Variants in SFMBT1 observed in about 807,000 individuals in gnomAD.
The protein encoded by SFMBT1 is Scm like with four mbt domains 1.
SFMBT1 carries 32 observed loss-of-function variants against 108.7 expected under a neutral mutation model. The observed-to-expected ratio is 0.29, with a 90% CI of 0.22 to 0.40. SFMBT1 has a LOEUF of 0.40. SFMBT1 is among the 10% of genes least tolerant of loss of function. The pLI is 1.00. For missense variants in SFMBT1, 816 were observed against 1,059.6 expected, an observed-to-expected ratio of 0.77 and a Z score of 3.19; for synonymous variants, 348 against 369.5, an observed-to-expected ratio of 0.94 and a Z score of 0.67.
chr3:52,981,766 C>A (rs190562842), intron 1 of SFMBT1, among the ~76,000 whole-genome samples: 13 of 151,998 alleles, frequency 8.6e-5, no homozygotes, highest in Non-Finnish European at 1.6e-4. Context: ...GAAGAAAGTA[C>A]CCGGATTTAA....
chr3:52,961,428 T>C (rs2710326), intron 2 of SFMBT1, among the ~76,000 whole-genome samples: 90,819 of 151,848 alleles, frequency 0.6, 27,625 homozygotes, highest in Middle Eastern at 0.68. Flanking sequence ...TAAAACGGCC[T>C]GTAATCCCAG....
intron 18 of SFMBT1, 63 bp from the exon 19 acceptor site, chr3:52,907,377 TA>T (rs530514080): frequency 2.4e-4 from 373 of 1,523,646 alleles, no homozygotes; most frequent in East Asian, 2.1e-3. Flanking sequence ...TTCATATGAT[TA>T]AAAAAAAATA....
chr3:53,003,103 C>CA (rs1474746852), intron 1 of SFMBT1, among the ~76,000 whole-genome samples: 1 of 102,774 alleles, frequency 9.7e-6, no homozygotes, highest in Non-Finnish European at 1.8e-5. Flanking sequence ...GCCTGGGTGA[C>CA]AGAGTGGGAC....
rs76760818 is a variant in SFMBT1, at chr3:52,997,838, T to C, written c.-130-28580A>G. Among the ~76,000 whole-genome samples, 371 of 150,568 alleles carry C rather than the reference T, an allele frequency of 2.5e-3. 7 individuals carry two copies. The highest frequency in any genetic ancestry group is 8.2e-3 in the African/African-American group (338 of 41,406). ...AACTCTATACAATTACTAAAATTCA[T>C]CAAGTAGGTCACTTACAATATAAAA... On this transcript the variant is annotated intron_variant, in intron 1 of 20. Coordinates refer to ENST00000394752, the MANE Select transcript of SFMBT1 (RefSeq NM_016329.4).
At chr3:52,983,880 A>G (rs1276772117) in intron 1 of SFMBT1, among the ~76,000 whole-genome samples, 1 of 152,224 alleles carries the variant, frequency 6.6e-6, no homozygotes, top group Non-Finnish European at 1.5e-5. Flanking sequence ...GATTCTGAGC[A>G]GAGGAGGAAC....
chr3:52,921,079 G>A (rs972346785), intron 11 of SFMBT1, among the ~76,000 whole-genome samples: 1 of 152,192 alleles, frequency 6.6e-6, no homozygotes, highest in African/African-American at 2.4e-5. Flanking sequence ...ATCAGGAAGT[G>A]ATTTGGCAAG....
At chr3:53,015,253 C>A (rs140979940) in intron 1 of SFMBT1, among the ~76,000 whole-genome samples, 485 of 149,404 alleles carry the variant, frequency 3.2e-3, no homozygotes, top group African/African-American at 0.011. Flanking sequence ...ATTGGCAATA[C>A]CCCAATTAAA....
intron 1 of SFMBT1, among the ~76,000 whole-genome samples, chr3:53,042,623 G>A (rs764424041): frequency 2.2e-4 from 33 of 152,286 alleles, no homozygotes; most frequent in South Asian, 4.1e-4. Flanking sequence ...GATTATAGGC[G>A]TGAGCCACTG....
chr3:52,963,644 G>A (rs868310510), intron 2 of SFMBT1, among the ~76,000 whole-genome samples: 15 of 151,748 alleles, frequency 9.9e-5, no homozygotes, highest in Admixed American at 2.0e-4. Context: ...GTAGAGACAG[G>A]GTCTCCCTAT....
chr3:52,928,670 A>AGTTTGTTTGTTTTTTTT (rs1702762783), intron 8 of SFMBT1, among the ~76,000 whole-genome samples: 3 of 140,434 alleles, frequency 2.1e-5, no homozygotes, highest in African/African-American at 2.5e-5. Flanking sequence ...ATATACATAT[A>AGTTTGTTTGTTTTTTTT]TACACACACA....
rs377014284 is a variant in SFMBT1, at chr3:52,936,356, C to T, written c.365-1455G>A. Among the ~76,000 whole-genome samples, 8 of 152,168 alleles carry T rather than the reference C, an allele frequency of 5.3e-5. No homozygotes were observed. The South Asian group carries it at 1.7e-3, about 32-fold the overall frequency. On this transcript the variant is annotated intron_variant, in intron 4 of 20. Coordinates refer to ENST00000394752, the MANE Select transcript of SFMBT1 (RefSeq NM_016329.4). The stretch of plus-strand genomic sequence containing the variant: ...GTCTTTACTCTTTCTCTATATTTAC[C>T]ACCCTTTAAAATAAACAGTTGATTG...
At chr3:52,958,165 C>T (rs923642919) in intron 2 of SFMBT1, among the ~76,000 whole-genome samples, 9 of 152,132 alleles carry the variant, frequency 5.9e-5, no homozygotes, top group African/African-American at 2.2e-4. Flanking sequence ...TGAACAGACA[C>T]CTTACAAAAG....
At chr3:52,969,343 G>A in intron 1 of SFMBT1, 85 bp from the exon 2 acceptor site, 1 of 1,335,596 alleles carries the variant, frequency 7.5e-7, no homozygotes. Context: ...GACTGGTTGA[G>A]AGATGACATA....
chr3:52,962,705 G>A (rs939320213), intron 2 of SFMBT1, among the ~76,000 whole-genome samples: 1 of 150,506 alleles, frequency 6.6e-6, no homozygotes, highest in Non-Finnish European at 1.5e-5. Flanking sequence ...CTACTCAGGA[G>A]GCTAAGGCAT....
chr3:52,980,430 G>A (rs974071345), intron 1 of SFMBT1, among the ~76,000 whole-genome samples: 2 of 152,012 alleles, frequency 1.3e-5, no homozygotes, highest in Non-Finnish European at 2.9e-5. Flanking sequence ...ATCTCCCATG[G>A]TTCTTACACA....
intron 1 of SFMBT1, among the ~76,000 whole-genome samples, chr3:53,005,477 T>C (rs1401263733): frequency 6.6e-6 from 1 of 152,214 alleles, no homozygotes; most frequent in African/African-American, 2.4e-5. Flanking sequence ...CACATCCTGC[T>C]AATTGTTATT....
intron 8 of SFMBT1, among the ~76,000 whole-genome samples, chr3:52,928,671 T>TATATATATATAC (rs1553635201): frequency 2.9e-5 from 4 of 138,374 alleles, no homozygotes; most frequent in African/African-American, 1.0e-4. Context: ...TATACATATA[T>TATATATATATAC]ACACACACAC....
At chr3:52,984,726 CTGTGTGTG>C (rs57308874) in intron 1 of SFMBT1, among the ~76,000 whole-genome samples, 6,845 of 140,152 alleles carry the variant, frequency 0.049, 168 homozygotes, top group Non-Finnish European at 0.064. Flanking sequence ...ATACTAAATA[CTGTGTGTG>C]TGTGTGTGTG....
At chr3:52,976,056 T>TG (rs1480528763) in intron 1 of SFMBT1, among the ~76,000 whole-genome samples, 1 of 151,900 alleles carries the variant, frequency 6.6e-6, no homozygotes, top group Non-Finnish European at 1.5e-5. Context: ...GAGAAAAAAA[T>TG]GGACAATCCA....
Sources: allele counts gnomAD v4.1 joint callset (sites outside exome capture counted in the v4.1 genomes callset), GRCh38; gene constraint gnomAD v4.1.1; transcripts MANE v1.5; gene names NCBI Gene and HGNC (gene_info 2026-07-23, HGNC 2026-07-21).